NCKAP5: variants seen among roughly 807,000 people sequenced by gnomAD.
NCKAP5 encodes NCK associated protein 5.
Under a neutral mutation model 167.0 loss-of-function variants are expected in NCKAP5, and 92 were observed. The ratio of observed to expected loss-of-function variants is 0.55; its 90% CI spans 0.47 to 0.66. NCKAP5 has a LOEUF of 0.66. Among genes scored for constraint, NCKAP5 ranks in the 30% least tolerant of loss-of-function variants. The probability of loss-of-function intolerance (pLI) is 0.00; values close to 1 mark genes in which losing one functional copy is unlikely to be tolerated. For synonymous variants in NCKAP5, 891 were observed against 877.4 expected (o/e 1.02, Z -0.27); for missense variants, 2,378 against 2,315.0 (o/e 1.03, Z -0.56).
At chr2:132,873,274 T>A (rs1690981768) in intron 9 of NCKAP5, among the ~76,000 whole-genome samples, 2 of 151,970 alleles carry the variant, frequency 1.3e-5, no homozygotes, top group African/African-American at 4.8e-5. Flanking sequence ...CAGCTCATTT[T>A]ATTTATTTTT....
At chr2:133,567,461 T>C (rs1688632675) in intron 1 of NCKAP5, among the ~76,000 whole-genome samples, 1 of 152,030 alleles carries the variant, frequency 6.6e-6, no homozygotes, top group Non-Finnish European at 1.5e-5. Context: ...AGAGAACATG[T>C]GGATTTTGTA....
chr2:133,325,167 G>T (rs186871381), intron 3 of NCKAP5, among the ~76,000 whole-genome samples: 2 of 152,146 alleles, frequency 1.3e-5, no homozygotes, highest in African/African-American at 4.8e-5. Context: ...AGGGAGGAAG[G>T]CACTGGAATG....
chr2:133,141,766 A>G (rs560555070), intron 5 of NCKAP5, among the ~76,000 whole-genome samples: 2 of 152,338 alleles, frequency 1.3e-5, no homozygotes, highest in East Asian at 3.9e-4. Context: ...AGACTTGAGA[A>G]CAAGTGGGTT....
the NCKAP5 span, among the ~76,000 whole-genome samples, chr2:133,652,267 T>G: frequency 2.0e-5 from 3 of 152,220 alleles, no homozygotes; most frequent in Non-Finnish European, 4.4e-5. Context: ...AAATATGTAT[T>G]ACTTATTAAA....
chr2:133,228,090 G>A (rs753086200), intron 4 of NCKAP5, among the ~76,000 whole-genome samples: 22 of 152,148 alleles, frequency 1.4e-4, no homozygotes, highest in African/African-American at 4.3e-4. Context: ...GCATAGCATA[G>A]GTGAGGTACA....
chr2:132,676,283 C>CT (rs61213029), intron 19 of NCKAP5, among the ~76,000 whole-genome samples: 1,210 of 61,202 alleles, frequency 0.02, 188 homozygotes, highest in African/African-American at 0.038. Flanking sequence ...TTGTTTTATC[C>CT]TTTTTTTTTT....
the NCKAP5 span, among the ~76,000 whole-genome samples, chr2:133,643,450 G>A: frequency 6.6e-6 from 1 of 152,010 alleles, no homozygotes; most frequent in Non-Finnish European, 1.5e-5. Flanking sequence ...ACTTCTCCAA[G>A]CCAGGATTCC....
intron 19 of NCKAP5, among the ~76,000 whole-genome samples, chr2:132,685,418 G>C (rs1371240532): frequency 6.6e-6 from 1 of 152,100 alleles, no homozygotes; most frequent in Non-Finnish European, 1.5e-5. Context: ...GGACTCCTGG[G>C]GCAGCATCCA....
At chr2:132,894,782 A>T (rs920424802) in intron 8 of NCKAP5, among the ~76,000 whole-genome samples, 2 of 152,124 alleles carry the variant, frequency 1.3e-5, no homozygotes, top group African/African-American at 2.4e-5. Flanking sequence ...AGGGTGACAG[A>T]GGGCCGCCCT....
rs567741198 is a variant in NCKAP5, at chr2:132,998,237, T to G, written c.342-3998A>C. Among the ~76,000 whole-genome samples, 246 of 152,328 alleles carry G rather than the reference T, an allele frequency of 1.6e-3. 1 individual carries two copies. The highest frequency in any genetic ancestry group is 5.6e-3 in the African/African-American group (233 of 41,578). ...TTGCTAAATTATCTCTTCTGTAAAA[T>G]TACAAGCTATAAACACAAGTTGCTG... On this transcript the variant is annotated intron_variant, in intron 6 of 19. Transcript: ENST00000409261.
At chr2:133,473,141 G>A (rs889572444) in intron 3 of NCKAP5, among the ~76,000 whole-genome samples, 2 of 152,124 alleles carry the variant, frequency 1.3e-5, no homozygotes, top group East Asian at 1.9e-4. Flanking sequence ...AGACCATCCT[G>A]GCCAAGATGG....
chr2:133,210,173 A>AATAAATAATATAATATAAT (rs1553579633), intron 5 of NCKAP5, among the ~76,000 whole-genome samples: 2 of 145,070 alleles, frequency 1.4e-5, no homozygotes, highest in Non-Finnish European at 3.0e-5. Context: ...CTCAAAAATA[A>AATAAATAATATAATATAAT]ATAATATAAT....
chr2:133,547,579 C>T (rs1435460651), intron 2 of NCKAP5, among the ~76,000 whole-genome samples: 14 of 151,702 alleles, frequency 9.2e-5, no homozygotes, highest in Middle Eastern at 3.4e-3. Context: ...CCCTGACCCC[C>T]GAGCAGCCTA....
chr2:133,084,593 C>T (rs1323190968), intron 6 of NCKAP5, among the ~76,000 whole-genome samples: 5 of 152,178 alleles, frequency 3.3e-5, no homozygotes, highest in Non-Finnish European at 7.3e-5. Context: ...CTCATTCTTG[C>T]TTCACTAACC....
chr2:132,856,781 G>A (rs1463777361), intron 11 of NCKAP5, among the ~76,000 whole-genome samples: 2 of 152,132 alleles, frequency 1.3e-5, no homozygotes, highest in Non-Finnish European at 2.9e-5. Context: ...TCAATCCTAG[G>A]TGAGCCAGTT....
chr2:132,784,022 G>A lies in NCKAP5; in HGVS notation c.2789C>T (p.Pro930Leu), dbSNP rs772271616. ...GGAGACGGACCTGCCTGGAGGGGGCGGAGGGGAAGGGGATTTCACCCCTGC... is the reference window on the plus strand; with the variant it reads ...GGAGACGGACCTGCCTGGAGGGGGCAGAGGGGAAGGGGATTTCACCCCTGC... ...PEAGVKSPSPPPPPGRSVSLL... is the reference protein window; with the variant it reads ...PEAGVKSPSPLPPPGRSVSLL... Residue 930 changes from proline (P) to leucine (L), a missense_variant, in exon 14 of 20, where the codon CCG becomes CTG. Coordinates refer to ENST00000409261, the MANE Select transcript of NCKAP5 (RefSeq NM_207363.3). 45 of 1,561,968 alleles carry A rather than the reference G, an allele frequency of 2.9e-5. No individual in the cohort carries two copies. The Middle Eastern group carries it at 1.4e-3, about 48-fold the overall frequency.
At chr2:132,720,543 G>A (rs1689807400) in intron 19 of NCKAP5, among the ~76,000 whole-genome samples, 8 of 152,222 alleles carry the variant, frequency 5.3e-5, no homozygotes, top group Admixed American at 5.2e-4. Flanking sequence ...GTTTTGAAGG[G>A]TGGGTTCCAA....
At chr2:133,459,160 G>A (rs192399314) in intron 3 of NCKAP5, among the ~76,000 whole-genome samples, 84 of 152,204 alleles carry the variant, frequency 5.5e-4, no homozygotes, top group African/African-American at 2.0e-3. Flanking sequence ...GCTAAGGAAG[G>A]ATTTTCTTAG....
intron 6 of NCKAP5, among the ~76,000 whole-genome samples, chr2:133,068,062 C>T (rs958586104): frequency 6.6e-6 from 1 of 152,116 alleles, no homozygotes; most frequent in African/African-American, 2.4e-5. Flanking sequence ...CTATCTTCCA[C>T]CCATATTCCC....
Sources: gnomAD v4.1 joint callset for allele counts (sites outside exome capture counted in the v4.1 genomes callset) on GRCh38, gnomAD v4.1.1 for gene constraint, MANE v1.5 for transcripts, NCBI Gene and HGNC (gene_info 2026-07-23, HGNC 2026-07-21) for gene names.